The following ZNF438 variants were observed in gnomAD, a reference collection of about 807,000 sequenced individuals.
ZNF438 encodes zinc finger protein 438.
Under a neutral mutation model 38.0 loss-of-function variants are expected in ZNF438, and 25 were observed. The ratio of observed to expected loss-of-function variants is 0.66; its 90% CI spans 0.48 to 0.92. ZNF438 has a LOEUF of 0.92. Ranked by LOEUF, ZNF438 falls within the 40% of genes least tolerant of loss-of-function variation. ZNF438 has a pLI of 0.00. For missense variants in ZNF438, 1,007 were observed against 999.6 expected (o/e 1.01, Z -0.10); for synonymous variants, 372 against 364.1 (o/e 1.02, Z -0.25).
At chr10:30,895,535 C>T (rs568673027) in intron 3 of ZNF438, among the ~76,000 whole-genome samples, 2 of 152,208 alleles carry the variant, frequency 1.3e-5, no homozygotes, top group Non-Finnish European at 1.5e-5. Context: ...TTAAAACTTC[C>T]ATGTATCAAC....
At chr10:30,920,121 T>G (rs879711253) in intron 2 of ZNF438, 1 of 152,228 alleles carries the variant, frequency 6.6e-6, no homozygotes, top group African/African-American at 2.4e-5. Context: ...GCATGTACTC[T>G]CTCTCTCCTG....
At chr10:30,981,821 C>T (rs1589559473) in intron 1 of ZNF438, among the ~76,000 whole-genome samples, 1 of 150,376 alleles carries the variant, frequency 6.6e-6, no homozygotes. Context: ...GAGGTTGCAG[C>T]AAGCCGAGAT....
chr10:30,916,089 T>C (rs972991854), intron 2 of ZNF438, among the ~76,000 whole-genome samples: 3 of 152,050 alleles, frequency 2.0e-5, no homozygotes, highest in Non-Finnish European at 2.9e-5. Flanking sequence ...ACTGTACCAA[T>C]ATAAATCCCA....
At chr10:30,871,164 C>T (rs2037348066) in intron 4 of ZNF438, among the ~76,000 whole-genome samples, 1 of 152,110 alleles carries the variant, frequency 6.6e-6, no homozygotes, top group Admixed American at 6.5e-5. Flanking sequence ...GATAGGCAGC[C>T]CAGTGTTATT....
intron 1 of ZNF438, among the ~76,000 whole-genome samples, chr10:30,972,126 C>G (rs887992591): frequency 7.7e-6 from 1 of 130,606 alleles, no homozygotes; most frequent in African/African-American, 2.8e-5. Flanking sequence ...CCCACCACCA[C>G]GCCTGGCTAA....
At chr10:30,927,953 G>T (rs1191580173) in intron 2 of ZNF438, among the ~76,000 whole-genome samples, 1 of 152,038 alleles carries the variant, frequency 6.6e-6, no homozygotes, top group Non-Finnish European at 1.5e-5. Flanking sequence ...AAGCAATTCA[G>T]CATAATTCTA....
chr10:30,876,128 C>T lies in ZNF438; in HGVS notation c.37+870G>A, dbSNP rs186981910. ...GAGTTTCAAATCCAGATTCCATGTG[C>T]TCAAGAGTTATGATACTACCTTTCT... On this transcript the variant is annotated intron_variant, in intron 4 of 5. Coordinates refer to ENST00000413025, the Ensembl canonical transcript of ZNF438. Among the ~76,000 whole-genome samples the T allele has an allele frequency of 2.3e-3, 357 of 152,290 alleles. 1 individual carries two copies. Among genetic ancestry groups the T allele is most frequent in the African/African-American group, 8.0e-3 (334 of 41,570 alleles).
In ZNF438 at chr10:30,896,431, T is replaced by G. The variant is rs114046268; in HGVS notation, c.-32+12502A>C. The stretch of plus-strand genomic sequence containing the variant: ...AACTGCCCATTGACAGATAGATGGA[T>G]CAACAAAATGTGATATATACATACA... On this transcript the variant is annotated intron_variant, in intron 3 of 5. Transcript: ENST00000413025. Among the ~76,000 whole-genome samples the G allele has an allele frequency of 9.9e-3, 1,510 of 152,040 alleles. 23 individuals carry two copies. The highest frequency in any genetic ancestry group is 0.034 in the African/African-American group (1,404 of 41,466).
At chr10:30,924,836 T>C (rs903246730) in intron 2 of ZNF438, among the ~76,000 whole-genome samples, 2 of 152,178 alleles carry the variant, frequency 1.3e-5, no homozygotes, top group Admixed American at 1.3e-4. Context: ...GAAAAGAAAG[T>C]ATCAGTAGAA....
At chr10:30,894,859 T>C (rs1037499615) in intron 3 of ZNF438, among the ~76,000 whole-genome samples, 2 of 152,332 alleles carry the variant, frequency 1.3e-5, no homozygotes, top group South Asian at 4.1e-4. Context: ...TGATAGTCTA[T>C]AACTACTAAT....
chr10:30,890,083 CAAAAAAAA>C (rs71863439), intron 3 of ZNF438, among the ~76,000 whole-genome samples: 8 of 93,390 alleles, frequency 8.6e-5, no homozygotes, highest in African/African-American at 2.2e-4. Context: ...TTGGCATTTC[CAAAAAAAA>C]AAAAAAAAAA....
chr10:30,863,770 A>G (rs12416451), intron 4 of ZNF438, among the ~76,000 whole-genome samples: 7,123 of 151,022 alleles, frequency 0.047, 359 homozygotes, highest in Admixed American at 0.16. Flanking sequence ...ATCCACACGC[A>G]CTCCCCTCAT....
intron 1 of ZNF438, among the ~76,000 whole-genome samples, chr10:30,967,424 G>A (rs1351681523): frequency 6.6e-6 from 1 of 152,126 alleles, no homozygotes; most frequent in Admixed American, 6.6e-5. Context: ...TGATAAGTAG[G>A]CTAAAAGTAA....
intron 4 of ZNF438, among the ~76,000 whole-genome samples, chr10:30,869,287 T>C (rs2036983762): frequency 6.6e-6 from 1 of 151,990 alleles, no homozygotes; most frequent in Non-Finnish European, 1.5e-5. Flanking sequence ...GGCAGGAGAA[T>C]CGCTTGAACC....
intron 5 of ZNF438, among the ~76,000 whole-genome samples, chr10:30,845,941 G>A (rs536801631): frequency 2.6e-5 from 4 of 152,264 alleles, no homozygotes; most frequent in East Asian, 1.9e-4. Flanking sequence ...TGAAGGTAAC[G>A]GTCCCACCCT....
rs79401625 is a variant in ZNF438, at chr10:30,978,677, T to C, written c.-191-37026A>G. 3.2e-4 allele frequency among the ~76,000 whole-genome samples: 48 copies of C among 152,286 alleles called. No individual in the cohort carries two copies. The East Asian group carries it at 8.9e-3, about 28-fold the overall frequency. ...CACTGTTTGTCACCATACAGTAAAT[T>C]TATCTCTTCTCACACTTCTGATATA... On this transcript the variant is annotated intron_variant, in intron 1 of 5. Coordinates refer to ENST00000413025, the Ensembl canonical transcript of ZNF438.
chr10:30,846,102 T>C (rs2032009046), intron 5 of ZNF438, among the ~76,000 whole-genome samples: 1 of 152,232 alleles, frequency 6.6e-6, no homozygotes, highest in African/African-American at 2.4e-5. Flanking sequence ...TTCTGTCCCC[T>C]TTAAGACCTC....
chr10:30,860,454 C>A (rs749671058), intron 4 of ZNF438, among the ~76,000 whole-genome samples: 5 of 152,254 alleles, frequency 3.3e-5, no homozygotes, highest in African/African-American at 1.2e-4. Flanking sequence ...TCCAATTAAT[C>A]TGCTGATCTG....
chr10:30,982,093 C>T (rs2370389), intron 1 of ZNF438, among the ~76,000 whole-genome samples: 110,878 of 147,526 alleles, frequency 0.75, 42,699 homozygotes, highest in African/African-American at 0.91. Context: ...CATCCTTTTT[C>T]TCTTTCTTTT....
Sources: allele counts gnomAD v4.1 joint callset (sites outside exome capture counted in the v4.1 genomes callset), GRCh38; gene constraint gnomAD v4.1.1; transcripts MANE v1.5; gene names NCBI Gene and HGNC (gene_info 2026-07-23, HGNC 2026-07-21).